Variants in SYNDIG1 observed in about 807,000 individuals in gnomAD.
SYNDIG1 encodes the protein synapse differentiation inducing 1, also known as synapse differentiation-inducing gene protein 1.
In SYNDIG1, 9 loss-of-function variants were observed where a neutral mutation model predicts 19.4. The ratio of observed to expected loss-of-function variants is 0.46; its 90% CI spans 0.28 to 0.81. The LOEUF (loss-of-function observed/expected upper bound fraction) is 0.81. Among genes scored for constraint, SYNDIG1 ranks in the 30% least tolerant of loss-of-function variants. The probability of loss-of-function intolerance (pLI) is 0.12; values close to 1 mark genes in which losing one functional copy is unlikely to be tolerated. For synonymous variants in SYNDIG1, 141 were observed against 145.9 expected (o/e 0.97, Z 0.24); for missense variants, 311 against 343.3 (o/e 0.91, Z 0.74).
chr20:24,604,901 A>T (rs2058732395), intron 3 of SYNDIG1, among the ~76,000 whole-genome samples: 1 of 152,102 alleles, frequency 6.6e-6, no homozygotes, highest in South Asian at 2.1e-4. Flanking sequence ...TCCCACTTTT[A>T]TCCTTAAGTT....
intron 3 of SYNDIG1, among the ~76,000 whole-genome samples, chr20:24,640,232 G>T (rs1170797825): frequency 6.6e-6 from 1 of 151,954 alleles, no homozygotes; most frequent in African/African-American, 2.4e-5. Flanking sequence ...TACTCAGGAG[G>T]TTGTGGCAGG....
chr20:24,616,515 G>T (rs1449264268), intron 3 of SYNDIG1, among the ~76,000 whole-genome samples: 1 of 152,268 alleles, frequency 6.6e-6, no homozygotes, highest in Non-Finnish European at 1.5e-5. Context: ...GCAGTGAAAG[G>T]CCTGCCCTCT....
intron 2 of SYNDIG1, among the ~76,000 whole-genome samples, chr20:24,566,768 A>G (rs2058050303): frequency 6.6e-6 from 1 of 152,222 alleles, no homozygotes; most frequent in Non-Finnish European, 1.5e-5. Flanking sequence ...CAAGTCCGTC[A>G]GGCTTCAGCC....
chr20:24,621,588 T>C (rs917712412), intron 3 of SYNDIG1, among the ~76,000 whole-genome samples: 1 of 152,168 alleles, frequency 6.6e-6, no homozygotes, highest in Non-Finnish European at 1.5e-5. Context: ...GGCATCCTTT[T>C]TTTGGGGGAA....
intron 3 of SYNDIG1, among the ~76,000 whole-genome samples, chr20:24,645,536 C>T (rs1016729480): frequency 2.6e-5 from 4 of 152,116 alleles, no homozygotes; most frequent in African/African-American, 4.8e-5. Context: ...GAGAGGACAA[C>T]GGAGAGTGAA....
chr20:24,474,497 C>A (rs1002146429), intron 1 of SYNDIG1, among the ~76,000 whole-genome samples: 1 of 152,180 alleles, frequency 6.6e-6, no homozygotes, highest in Non-Finnish European at 1.5e-5. Context: ...CAGGGGATAA[C>A]CTTGCCTGTT....
At chr20:24,498,885 G>A (rs766922672) in intron 1 of SYNDIG1, among the ~76,000 whole-genome samples, 11 of 152,070 alleles carry the variant, frequency 7.2e-5, no homozygotes, top group Non-Finnish European at 1.5e-4. Flanking sequence ...ACGGGTGTGC[G>A]GCATCCAGAT....
intron 3 of SYNDIG1, among the ~76,000 whole-genome samples, chr20:24,625,383 CA>C (rs1250242087): frequency 1.6e-4 from 16 of 97,478 alleles, no homozygotes; most frequent in Admixed American, 6.7e-4. Context: ...ATGCCTGGGA[CA>C]TTTTTTTTTT....
intron 1 of SYNDIG1, among the ~76,000 whole-genome samples, chr20:24,509,548 A>C (rs1243216551): frequency 2.0e-5 from 3 of 152,216 alleles, no homozygotes; most frequent in Non-Finnish European, 4.4e-5. Context: ...CTCATTAAAT[A>C]TCACTCGTGT....
intron 1 of SYNDIG1, among the ~76,000 whole-genome samples, chr20:24,532,382 A>T (rs2057277910): frequency 6.6e-6 from 1 of 152,198 alleles, no homozygotes; most frequent in African/African-American, 2.4e-5. Flanking sequence ...ATAGTGTATG[A>T]TTCCAGTTAT....
intron 3 of SYNDIG1, among the ~76,000 whole-genome samples, chr20:24,602,776 C>T (rs887250704): frequency 6.6e-6 from 1 of 152,194 alleles, no homozygotes; most frequent in Admixed American, 6.5e-5. Flanking sequence ...GGTTACCAGT[C>T]TGGCATTATT....
intron 1 of SYNDIG1, among the ~76,000 whole-genome samples, chr20:24,521,074 CT>C (rs1427313625): frequency 4.6e-5 from 7 of 152,172 alleles, no homozygotes; most frequent in Non-Finnish European, 1.0e-4. Context: ...AGTATTTGAC[CT>C]TTTGTGACTG....
In SYNDIG1 at chr20:24,543,422, G is replaced by A. The variant is rs144760628; in HGVS notation, c.325G>A (p.Asp109Asn). 8.7e-6 allele frequency: 14 copies of A among 1,613,578 alleles called. No homozygotes were observed. The highest frequency in any genetic ancestry group is 8.0e-5 in the African/African-American group (6 of 75,018). The change falls in exon 2 of 4, where the codon GAC (aspartate) becomes AAC (asparagine). Residue 109 changes from aspartate (D) to asparagine (N), a missense_variant. Asp to Asn is a conservative substitution (Grantham distance 23). Transcript: ENST00000376862. ...LRSWGDGVAA[D>N]CCETTFIEDR... The stretch of plus-strand genomic sequence containing the variant: ...CTCCTGGGGGGACGGTGTGGCCGCC[G>A]ACTGCTGCGAGACCACCTTCATCGA...
At chr20:24,555,140 T>C (rs1356032259) in intron 2 of SYNDIG1, among the ~76,000 whole-genome samples, 4 of 152,186 alleles carry the variant, frequency 2.6e-5, no homozygotes, top group African/African-American at 7.2e-5. Flanking sequence ...TCTGTGGGAT[T>C]GGTGGTGATA....
intron 1 of SYNDIG1, among the ~76,000 whole-genome samples, chr20:24,475,535 T>C (rs1455237400): frequency 6.6e-6 from 1 of 152,172 alleles, no homozygotes; most frequent in Non-Finnish European, 1.5e-5. Flanking sequence ...TGATAGGTAG[T>C]GTGCGTGGTT....
intron 3 of SYNDIG1, among the ~76,000 whole-genome samples, chr20:24,639,640 TTTG>T (rs1251689881): frequency 3.3e-5 from 5 of 152,228 alleles, no homozygotes; most frequent in Admixed American, 2.0e-4. Flanking sequence ...ATGTGGTTTA[TTTG>T]TTGTTGTTAA....
intron 1 of SYNDIG1, among the ~76,000 whole-genome samples, chr20:24,479,937 C>G (rs2055749065): frequency 2.0e-5 from 3 of 152,242 alleles, no homozygotes; most frequent in African/African-American, 7.2e-5. Flanking sequence ...TACTCCTGCC[C>G]TGCCATGCAC....
At chr20:24,659,600 G>A (rs1295130606) in intron 3 of SYNDIG1, among the ~76,000 whole-genome samples, 1 of 152,234 alleles carries the variant, frequency 6.6e-6, no homozygotes, top group Non-Finnish European at 1.5e-5. Context: ...CCCGGAAGAT[G>A]AATAGTGTTA....
intron 3 of SYNDIG1, 119 bp from the exon 4 acceptor site, chr20:24,665,227 T>C: frequency 7.9e-7 from 1 of 1,273,166 alleles, no homozygotes; most frequent in Non-Finnish European, 1.1e-6. Context: ...AGTTTCCCCC[T>C]CAGCCTTCTC....
Sources: allele counts gnomAD v4.1 joint callset (sites outside exome capture counted in the v4.1 genomes callset), GRCh38; gene constraint gnomAD v4.1.1; transcripts MANE v1.5; gene names NCBI Gene and HGNC (gene_info 2026-07-23, HGNC 2026-07-21).